The following ANKAR variants were observed in gnomAD, a reference collection of about 807,000 sequenced individuals.
The protein encoded by ANKAR is ankyrin and armadillo repeat containing.
ANKAR carries 136 observed loss-of-function variants against 146.2 expected under a neutral mutation model. The observed-to-expected ratio is 0.93, with a 90% confidence interval of 0.81 to 1.07. ANKAR has a LOEUF of 1.07. ANKAR is among the 50% of genes least tolerant of loss of function. The pLI is 0.00. For synonymous variants in ANKAR, 500 were observed against 575.8 expected, an observed-to-expected ratio of 0.87 and a Z score of 1.88; for missense variants, 1,567 against 1,679.9, an observed-to-expected ratio of 0.93 and a Z score of 1.18.
intron 3 of ANKAR, among the ~76,000 whole-genome samples, chr2:189,691,158 C>T (rs954980984): frequency 2.6e-5 from 4 of 152,170 alleles, no homozygotes; most frequent in African/African-American, 7.2e-5. Context: ...CGGGTTCAAG[C>T]GATTCTCCTG....
intron 2 of ANKAR, among the ~76,000 whole-genome samples, chr2:189,684,270 C>T (rs533163632): frequency 3.0e-3 from 1 of 336 alleles, no homozygotes; most frequent in Admixed American, 0.17. Flanking sequence ...GTTCACCCCA[C>T]ACCACTGTCC....
chr2:189,757,875 A>C (rs563871138), intron 18 of ANKAR, among the ~76,000 whole-genome samples: 1 of 152,318 alleles, frequency 6.6e-6, no homozygotes, highest in South Asian at 2.1e-4. Flanking sequence ...CTCTAGCTAA[A>C]CTGAATGTCT....
chr2:189,680,955 G>A (rs1226009849), intron 2 of ANKAR, among the ~76,000 whole-genome samples: 2 of 152,136 alleles, frequency 1.3e-5, no homozygotes, highest in East Asian at 1.9e-4. Context: ...GGTCCACGGA[G>A]GTTAAGGATC....
chr2:189,678,975 T>C (rs2105732561), intron 2 of ANKAR, among the ~76,000 whole-genome samples: 1 of 152,332 alleles, frequency 6.6e-6, no homozygotes, highest in East Asian at 1.9e-4. Flanking sequence ...ATGATAGTAT[T>C]TCTATGAGAA....
chr2:189,722,631 C>T (rs945555289), intron 12 of ANKAR, among the ~76,000 whole-genome samples: 2 of 151,892 alleles, frequency 1.3e-5, no homozygotes, highest in Admixed American at 1.3e-4. Context: ...GCCTGTAATC[C>T]CAGCACTTTG....
intron 18 of ANKAR, chr2:189,755,142 A>G: frequency 6.3e-7 from 1 of 1,588,994 alleles, no homozygotes; most frequent in Middle Eastern, 1.7e-4. Flanking sequence ...CAACATAACA[A>G]AAAAGAATGG....
At chr2:189,744,564 G>A (rs1324364860) in intron 21 of ANKAR, among the ~76,000 whole-genome samples, 178 bp from the exon 22 acceptor site, 1 of 152,144 alleles carries the variant, frequency 6.6e-6, no homozygotes, top group Non-Finnish European at 1.5e-5. Flanking sequence ...GTGAGTAAAT[G>A]AGTGACTGAA....
At chr2:189,709,099 AAAATAAAT>A (rs774081735) in intron 9 of ANKAR, among the ~76,000 whole-genome samples, 33 of 150,750 alleles carry the variant, frequency 2.2e-4, no homozygotes, top group African/African-American at 8.1e-4. Flanking sequence ...ACTTCGTCTC[AAAATAAAT>A]AAATAAATAA....
chr2:189,687,197 C>G (rs2035726830), intron 2 of ANKAR, among the ~76,000 whole-genome samples: 1 of 152,114 alleles, frequency 6.6e-6, no homozygotes, highest in South Asian at 2.1e-4. Context: ...ATTTTTAGTT[C>G]CCACAAATAA....
chr2:189,761,809 A>G (rs1270681590), downstream of ANKAR: 1 of 746,476 alleles, frequency 1.3e-6, no homozygotes, highest in Non-Finnish European at 2.0e-6. Context: ...TATAAATAAT[A>G]TTATGAATGA....
chr2:189,760,362 G>A (rs1330121940), intron 18 of ANKAR, among the ~76,000 whole-genome samples: 2 of 152,128 alleles, frequency 1.3e-5, no homozygotes, highest in South Asian at 4.1e-4. Flanking sequence ...CCCCTAAGAC[G>A]GGGCGGCTGC....
At position 189,696,049 on chromosome 2, in the gene ANKAR, C is replaced by T. The variant is rs188683759; in HGVS notation, c.1489-101C>T. On this transcript the variant is annotated intron_variant, in intron 6 of 22. Transcript: ENST00000684021. ...TTGTGAAAATTCTACTTAATTTTAA[C>T]AGCATTCATGTGATTCTGTTAATAC... The T allele has an allele frequency of 5.3e-5, 52 of 981,026 alleles. No homozygotes were observed. In the East Asian group the frequency reaches 1.2e-3, roughly 22 times the overall value. 60.8% of individuals were successfully genotyped at this position (981,026 alleles called of 1,614,324 possible).
intron 18 of ANKAR, 88 bp downstream of exon 18, chr2:189,737,929 AC>A: frequency 1.5e-6 from 2 of 1,291,846 alleles, no homozygotes; most frequent in East Asian, 5.1e-5. Context: ...GCCCAGAAAA[AC>A]GTTTACTTAT....
At chr2:189,734,592 G>A (rs898716159) in intron 17 of ANKAR, among the ~76,000 whole-genome samples, 4 of 152,078 alleles carry the variant, frequency 2.6e-5, no homozygotes, top group African/African-American at 9.7e-5. Context: ...AGTTCTGTAA[G>A]GTTTTAGAGG....
intron 3 of ANKAR, among the ~76,000 whole-genome samples, chr2:189,690,976 A>G (rs570033120): frequency 5.9e-5 from 9 of 152,218 alleles, no homozygotes; most frequent in Non-Finnish European, 8.8e-5. Context: ...CTCAAAATAC[A>G]TTATGTCCCT....
Position 189,720,642 on chromosome 2 carries a change from T to G in ANKAR, c.2490T>G (p.Asn830Lys). Reference protein sequence around the residue: ...AKYNGIPSLINLLNLNIENVL... With the variant: ...AKYNGIPSLIKLLNLNIENVL... ...AGAATGGAATCCCAAGCCTGATAAATCTATTGAACTTAAACATAGAAAATG... is the reference window on the plus strand; with the variant it reads ...AGAATGGAATCCCAAGCCTGATAAAGCTATTGAACTTAAACATAGAAAATG... Residue 830 changes from asparagine (N) to lysine (K), a missense_variant, in exon 12 of 23, where the codon AAT becomes AAG. Asn to Lys is a moderately conservative substitution (Grantham distance 94). Transcript: ENST00000684021. 1 of 1,367,286 alleles carries G rather than the reference T, an allele frequency of 7.3e-7. No individual in the cohort carries two copies. Among genetic ancestry groups the G allele is most frequent in the East Asian group, 2.8e-5 (1 of 36,110 alleles). The allele number at this position is 1,367,286 out of a possible 1,614,324, so 84.7% of individuals were successfully genotyped here.
Position 189,705,126 on chromosome 2 carries a change from G to A in ANKAR, c.1812G>A (p.Trp604Ter), listed in dbSNP as rs755701630. ...ADYTLSEKRG[W>*]MPIHFAAFYD... ...ACACGCTTTCTGAAAAAAGAGGCTGGATGCCGATTCACTTTGCCGCTTTCT... is the reference window on the plus strand; with the variant it reads ...ACACGCTTTCTGAAAAAAGAGGCTGAATGCCGATTCACTTTGCCGCTTTCT... Residue 604 changes from tryptophan to a stop codon, truncating the protein, a stop_gained, in exon 8 of 23, where the codon TGG becomes TGA. Coordinates refer to ENST00000684021, the MANE Select transcript of ANKAR (RefSeq NM_001378068.1). LOFTEE classifies it high-confidence loss of function. The A allele has an allele frequency of 6.2e-7, 1 of 1,614,014 alleles. No individual in the cohort carries two copies. The highest frequency in any genetic ancestry group is 8.5e-7 in the Non-Finnish European group (1 of 1,180,020).
At chr2:189,748,817 A>G (rs1167801450), downstream of ANKAR, among the ~76,000 whole-genome samples, 5 of 152,146 alleles carry the variant, frequency 3.3e-5, no homozygotes, top group African/African-American at 1.2e-4. Flanking sequence ...TCAAGACTAT[A>G]CTTTAGGACT....
chr2:189,727,955 T>A lies in ANKAR; in HGVS notation c.2735T>A (p.Leu912Gln). Residue 912 changes from leucine (L) to glutamine (Q), a missense_variant, in exon 13 of 23, where the codon CTG becomes CAG. Transcript: ENST00000684021. ...AIAMEGAIPPLVALFKGKQIS... is the reference protein window; with the variant it reads ...AIAMEGAIPPQVALFKGKQIS... ...GCTATGGAGGGAGCGATTCCTCCTC[T>A]GGTGGCTCTTTTTAAAGGGAAACAA... 6.2e-7 allele frequency: 1 copy of A among 1,614,096 alleles called. No individual in the cohort carries two copies. Among genetic ancestry groups the A allele is most frequent in the Non-Finnish European group, 8.5e-7 (1 of 1,179,990 alleles).
Sources: allele counts gnomAD v4.1 joint callset (sites outside exome capture counted in the v4.1 genomes callset), GRCh38; gene constraint gnomAD v4.1.1; transcripts MANE v1.5; gene names NCBI Gene and HGNC (gene_info 2026-07-23, HGNC 2026-07-21).